The following PDZRN4 variants were observed in gnomAD, a reference collection of about 807,000 sequenced individuals.
The protein encoded by PDZRN4 is PDZ domain containing ring finger 4.
Under a neutral mutation model 99.0 loss-of-function variants are expected in PDZRN4, and 70 were observed. That is an observed-to-expected ratio of 0.71 (90% CI 0.58 to 0.86). The LOEUF (loss-of-function observed/expected upper bound fraction) is 0.86, where lower values mean the gene tolerates loss of function less well. PDZRN4 is among the 40% of genes least tolerant of loss of function. The pLI is 0.00. For synonymous variants in PDZRN4, 551 were observed against 501.6 expected (o/e 1.10, Z -1.32); for missense variants, 1,474 against 1,331.2 (o/e 1.11, Z -1.67).
chr12:41,550,919 C>T (rs1360010909), intron 5 of PDZRN4, among the ~76,000 whole-genome samples: 1 of 152,132 alleles, frequency 6.6e-6, no homozygotes, highest in Non-Finnish European at 1.5e-5. Flanking sequence ...AGGATATATA[C>T]TCAAATGTAC....
chr12:41,253,559 G>A lies in PDZRN4; in HGVS notation c.843+59371G>A, dbSNP rs186934091. On this transcript the variant is annotated intron_variant, in intron 3 of 9. Coordinates refer to ENST00000402685, the MANE Select transcript of PDZRN4 (RefSeq NM_001164595.2). ...GTTACTGGGAATGTAAATTAGTAAAGCCAATATGAAGAACAGGATGGAGGT... is the reference window on the plus strand; with the variant it reads ...GTTACTGGGAATGTAAATTAGTAAAACCAATATGAAGAACAGGATGGAGGT... Among the ~76,000 whole-genome samples, 755 of 152,234 alleles carry A rather than the reference G, an allele frequency of 5.0e-3. 6 individuals are homozygous for A. The highest frequency in any genetic ancestry group is 7.4e-3 in the Non-Finnish European group (506 of 68,000).
At chr12:41,428,152 CT>C (rs1211653359) in intron 3 of PDZRN4, among the ~76,000 whole-genome samples, 1 of 152,054 alleles carries the variant, frequency 6.6e-6, no homozygotes, top group Non-Finnish European at 1.5e-5. Context: ...TACCTGCCTA[CT>C]TTTTTTGATT....
chr12:41,319,230 T>G (rs1390297288), intron 3 of PDZRN4, among the ~76,000 whole-genome samples: 1 of 152,194 alleles, frequency 6.6e-6, no homozygotes, highest in African/African-American at 2.4e-5. Flanking sequence ...TTTTGGAAGG[T>G]TTATTCATGT....
chr12:41,509,976 A>G, intron 5 of PDZRN4, 63 bp downstream of exon 5: 1 of 754,422 alleles, frequency 1.3e-6, no homozygotes, highest in Non-Finnish European at 2.3e-6. Flanking sequence ...GGTTTTGTAT[A>G]ACAAAGAAAT....
intron 3 of PDZRN4, among the ~76,000 whole-genome samples, chr12:41,303,254 C>T (rs539284815): frequency 3.3e-5 from 5 of 152,202 alleles, no homozygotes; most frequent in South Asian, 2.1e-4. Flanking sequence ...ACCATGCCCT[C>T]GGCAAAATAT....
At chr12:41,448,554 G>T (rs1300102945) in intron 3 of PDZRN4, among the ~76,000 whole-genome samples, 1 of 152,142 alleles carries the variant, frequency 6.6e-6, no homozygotes, top group Non-Finnish European at 1.5e-5. Flanking sequence ...CCCATGCAGT[G>T]TATGGCCCAG....
At chr12:41,228,513 G>C (rs761284876) in intron 3 of PDZRN4, among the ~76,000 whole-genome samples, 3 of 152,024 alleles carry the variant, frequency 2.0e-5, no homozygotes, top group Non-Finnish European at 2.9e-5. Flanking sequence ...ATTTTGAAAG[G>C]CCTTTTGCCA....
In PDZRN4 at chr12:41,574,183, C is replaced by T. The variant is rs1244181544; in HGVS notation, c.*293C>T. The T allele has an allele frequency of 1.4e-5, 3 of 217,572 alleles. No homozygotes were observed. Among genetic ancestry groups the T allele is most frequent in the African/African-American group, 6.8e-5 (3 of 43,952 alleles). 13.5% of individuals were successfully genotyped at this position (217,572 alleles called of 1,614,324 possible). On this transcript the variant is annotated 3_prime_UTR_variant, in exon 10 of 10. Coordinates refer to ENST00000402685, the MANE Select transcript of PDZRN4 (RefSeq NM_001164595.2). Reference sequence around the variant, plus strand: ...AAACTTGCACAAAAATACTGAGGAGCCAATTAATTTCCTACTTCAATGTAT... The same window carrying T: ...AAACTTGCACAAAAATACTGAGGAGTCAATTAATTTCCTACTTCAATGTAT...
intron 3 of PDZRN4, among the ~76,000 whole-genome samples, chr12:41,290,123 T>C (rs550927018): frequency 1.3e-5 from 2 of 152,344 alleles, no homozygotes; most frequent in South Asian, 2.1e-4. Flanking sequence ...TTGAGATCCA[T>C]TGTGCTTTGG....
At chr12:41,333,482 C>A (rs1487937280) in intron 3 of PDZRN4, among the ~76,000 whole-genome samples, 1 of 152,102 alleles carries the variant, frequency 6.6e-6, no homozygotes, top group Admixed American at 6.6e-5. Flanking sequence ...CAGGTTCTGC[C>A]ATGTGCTTCA....
At position 41,509,929 on chromosome 12, in the gene PDZRN4, T is replaced by C; in HGVS notation, c.1203+16T>C. On this transcript the variant is annotated intron_variant, in intron 5 of 9. Transcript: ENST00000402685. The stretch of plus-strand genomic sequence containing the variant: ...TGAATATGAGGTAAGGTCATTTTCA[T>C]ACCACTTCACATTTCTTCATGAAGT... 8.2e-7 allele frequency: 1 copy of C among 1,214,874 alleles called. No homozygotes were observed. Among genetic ancestry groups the C allele is most frequent in the Non-Finnish European group, 1.2e-6 (1 of 832,756 alleles). The allele number at this position is 1,214,874 out of a possible 1,614,324, so 75.3% of individuals were successfully genotyped here.
At chr12:41,481,724 C>T (rs566879685) in intron 3 of PDZRN4, among the ~76,000 whole-genome samples, 1 of 152,226 alleles carries the variant, frequency 6.6e-6, no homozygotes, top group South Asian at 2.1e-4. Flanking sequence ...AGTAATTTCT[C>T]ACTTAGTATA....
At chr12:41,509,265 T>C (rs1388135960) in intron 4 of PDZRN4, among the ~76,000 whole-genome samples, 1 of 152,000 alleles carries the variant, frequency 6.6e-6, no homozygotes, top group East Asian at 1.9e-4. Flanking sequence ...GAGGGGAAAA[T>C]GTGCATTATG....
At chr12:41,388,998 T>C (rs1274486433) in intron 3 of PDZRN4, among the ~76,000 whole-genome samples, 1 of 152,190 alleles carries the variant, frequency 6.6e-6, no homozygotes. Flanking sequence ...GTGACACTGA[T>C]GAAACTTGTC....
chr12:41,535,422 A>G (rs1004176445), intron 5 of PDZRN4, among the ~76,000 whole-genome samples: 6 of 152,208 alleles, frequency 3.9e-5, no homozygotes, highest in African/African-American at 1.4e-4. Context: ...ACACATTCAC[A>G]AGTTAGTGTG....
At chr12:41,262,953 G>A (rs12297017) in intron 3 of PDZRN4, among the ~76,000 whole-genome samples, 19,267 of 151,554 alleles carry the variant, frequency 0.13, 2,181 homozygotes, top group African/African-American at 0.3. Context: ...AAAAAATACT[G>A]TATATATGTA....
At chr12:41,464,643 TAACTTA>T (rs1359086407) in intron 3 of PDZRN4, among the ~76,000 whole-genome samples, 25 of 152,204 alleles carry the variant, frequency 1.6e-4, no homozygotes, top group Non-Finnish European at 3.2e-4. Flanking sequence ...AGCCAAATAC[TAACTTA>T]AACCTTTTTC....
chr12:41,406,996 C>T (rs2120363459), intron 3 of PDZRN4, among the ~76,000 whole-genome samples: 1 of 152,146 alleles, frequency 6.6e-6, no homozygotes, highest in East Asian at 1.9e-4. Flanking sequence ...ACAAGAAATG[C>T]TACAACCTTT....
intron 3 of PDZRN4, among the ~76,000 whole-genome samples, chr12:41,294,198 G>A (rs1951474977): frequency 6.6e-6 from 1 of 152,160 alleles, no homozygotes; most frequent in South Asian, 2.1e-4. Context: ...TGTTATGGGA[G>A]ATGCATGAAC....
Sources: gnomAD v4.1 joint callset for allele counts (sites outside exome capture counted in the v4.1 genomes callset) on GRCh38, gnomAD v4.1.1 for gene constraint, MANE v1.5 for transcripts, NCBI Gene and HGNC (gene_info 2026-07-23, HGNC 2026-07-21) for gene names.